TBXAS1: variants seen among roughly 807,000 people sequenced by gnomAD.
TBXAS1 encodes thromboxane A synthase 1, also known as thromboxane-A synthase.
In TBXAS1, 48 loss-of-function variants were observed where a neutral mutation model predicts 60.7. The ratio of observed to expected loss-of-function variants is 0.79; its 90% CI spans 0.63 to 1.01. TBXAS1 has a LOEUF of 1.01. TBXAS1 is among the 50% of genes least tolerant of loss of function. The pLI is 0.00. For synonymous variants in TBXAS1, 287 were observed against 269.7 expected (o/e 1.06, Z -0.63); for missense variants, 685 against 686.3 (o/e 1.00, Z 0.02).
intron 1 of TBXAS1, among the ~76,000 whole-genome samples, chr7:139,859,996 G>C (rs1014681255): frequency 6.6e-6 from 1 of 152,010 alleles, no homozygotes; most frequent in African/African-American, 2.4e-5. Context: ...AAAATTAGCT[G>C]AGCACAATAG....
Position 139,818,639 on chromosome 7 carries a change from C to G in TBXAS1, c.-79-10673C>G, listed in dbSNP as rs907238912. Among the ~76,000 whole-genome samples, 6 of 152,190 alleles carry G rather than the reference C, an allele frequency of 3.9e-5. No homozygotes were observed. In the East Asian group the frequency reaches 1.2e-3, roughly 29 times the overall value. ...GATTATCTTCTACTTGAGGGTTTAC[C>G]ATTATTGGGCCTGTGCCTGGGTCGC... On this transcript the variant is annotated intron_variant, in intron 4 of 16. Coordinates refer to the TBXAS1 transcript ENST00000336425.
intron 3 of TBXAS1, among the ~76,000 whole-genome samples, chr7:139,890,241 A>T: frequency 9.5e-6 from 1 of 105,024 alleles, no homozygotes. Context: ...TTTGAGACAG[A>T]GTCTCGTTTT....
At chr7:139,872,705 G>A (rs1380499148) in intron 2 of TBXAS1, among the ~76,000 whole-genome samples, 2 of 152,130 alleles carry the variant, frequency 1.3e-5, no homozygotes, top group African/African-American at 4.8e-5. Flanking sequence ...CTGAGCCCAG[G>A]ACAGGCTTTC....
chr7:139,934,684 T>C (rs1159405000), intron 4 of TBXAS1, among the ~76,000 whole-genome samples: 2 of 152,222 alleles, frequency 1.3e-5, no homozygotes, highest in African/African-American at 4.8e-5. Context: ...CTTTGGCTTG[T>C]GCATGGCTGT....
chr7:139,909,261 GA>G (rs1424130871), intron 3 of TBXAS1, among the ~76,000 whole-genome samples: 1 of 152,182 alleles, frequency 6.6e-6, no homozygotes, highest in Non-Finnish European at 1.5e-5. Flanking sequence ...AAGCCAAGGT[GA>G]CTTTTAAGCA....
chr7:139,850,013 A>G (rs1283365980), intron 1 of TBXAS1, among the ~76,000 whole-genome samples: 1 of 152,184 alleles, frequency 6.6e-6, no homozygotes, highest in East Asian at 1.9e-4. Context: ...TAAGGAAAAA[A>G]TTTGTTTATT....
chr7:139,857,151 T>G (rs1800635647), intron 1 of TBXAS1, among the ~76,000 whole-genome samples: 1 of 152,172 alleles, frequency 6.6e-6, no homozygotes, highest in Non-Finnish European at 1.5e-5. Context: ...AACATCCTAC[T>G]CAAGAGGCAA....
chr7:139,995,738 T>C (rs972076358), intron 9 of TBXAS1, among the ~76,000 whole-genome samples: 3 of 152,202 alleles, frequency 2.0e-5, no homozygotes, highest in Non-Finnish European at 4.4e-5. Context: ...CCATGGGGCC[T>C]GGCTCCACCC....
chr7:139,951,354 G>A (rs975230146), intron 5 of TBXAS1, among the ~76,000 whole-genome samples: 2 of 151,896 alleles, frequency 1.3e-5, no homozygotes, highest in African/African-American at 4.8e-5. Context: ...ATCCACACCT[G>A]AAATACTGTA....
At chr7:139,876,896 G>C (rs1802272700) in intron 3 of TBXAS1, among the ~76,000 whole-genome samples, 1 of 152,118 alleles carries the variant, frequency 6.6e-6, no homozygotes, top group Non-Finnish European at 1.5e-5. Context: ...GGGTGTATCT[G>C]CTGGGGAGGA....
At chr7:139,839,950 C>A (rs553311894) in intron 1 of TBXAS1, among the ~76,000 whole-genome samples, 277 of 145,418 alleles carry the variant, frequency 1.9e-3, no homozygotes, top group African/African-American at 6.7e-3. Context: ...CACCACTGCA[C>A]TCCAGCCTGG....
At chr7:139,966,682 C>CTTT (rs1810814238) in intron 9 of TBXAS1, among the ~76,000 whole-genome samples, 1 of 152,214 alleles carries the variant, frequency 6.6e-6, no homozygotes, top group Admixed American at 6.5e-5. Flanking sequence ...CGTGATGATA[C>CTTT]TTTGGACAGA....
chr7:139,808,522 C>T (rs986893705), intron 4 of TBXAS1, among the ~76,000 whole-genome samples: 1 of 152,088 alleles, frequency 6.6e-6, no homozygotes, highest in African/African-American at 2.4e-5. Flanking sequence ...ATAATGACCA[C>T]ATGTAACAGC....
intron 4 of TBXAS1, among the ~76,000 whole-genome samples, chr7:139,922,959 T>C (rs753376309): frequency 1.3e-5 from 2 of 152,230 alleles, no homozygotes; most frequent in Non-Finnish European, 2.9e-5. Context: ...TCCCATTTCA[T>C]TGGTCTTTTT....
chr7:139,950,520 T>C (rs146592850), intron 5 of TBXAS1, among the ~76,000 whole-genome samples: 18 of 152,236 alleles, frequency 1.2e-4, no homozygotes, highest in South Asian at 2.1e-4. Flanking sequence ...TCCACTTGGG[T>C]GTGTTATGCT....
intron 4 of TBXAS1, among the ~76,000 whole-genome samples, chr7:139,822,062 G>A (rs1372522711): frequency 6.6e-6 from 1 of 152,206 alleles, no homozygotes; most frequent in East Asian, 1.9e-4. Context: ...ATCCTAGGCA[G>A]TGTGGACAGT....
chr7:140,001,648 T>TC (rs1255429086), intron 9 of TBXAS1, among the ~76,000 whole-genome samples: 1 of 152,192 alleles, frequency 6.6e-6, no homozygotes, highest in African/African-American at 2.4e-5. Context: ...TGCCTTGGCC[T>TC]CCCAAAGTGC....
chr7:139,879,937 A>G (rs889681026), intron 3 of TBXAS1, among the ~76,000 whole-genome samples: 22 of 150,926 alleles, frequency 1.5e-4, no homozygotes, highest in Admixed American at 9.3e-4. Flanking sequence ...GCTGGAGTGC[A>G]GTGGCACGAT....
intron 4 of TBXAS1, among the ~76,000 whole-genome samples, chr7:139,797,636 T>C (rs993777950): frequency 6.6e-6 from 1 of 152,126 alleles, no homozygotes; most frequent in Non-Finnish European, 1.5e-5. Context: ...ATCTCCCAAC[T>C]CTCACCAACT....
Sources: gnomAD v4.1 joint callset for allele counts (sites outside exome capture counted in the v4.1 genomes callset) on GRCh38, gnomAD v4.1.1 for gene constraint, MANE v1.5 for transcripts, NCBI Gene and HGNC (gene_info 2026-07-23, HGNC 2026-07-21) for gene names.